Variants in ATP13A4 observed in about 807,000 individuals in gnomAD.
ATP13A4 encodes ATPase 13A4.
In ATP13A4, 114 loss-of-function variants were observed where a neutral mutation model predicts 142.5. The observed-to-expected ratio is 0.80, with a 90% CI of 0.69 to 0.93. The LOEUF is 0.93. Among genes scored for constraint, ATP13A4 ranks in the 40% least tolerant of loss-of-function variants. The probability of loss-of-function intolerance (pLI) is 0.00; values close to 1 mark genes in which losing one functional copy is unlikely to be tolerated. For synonymous variants in ATP13A4, 488 were observed against 514.8 expected, an observed-to-expected ratio of 0.95 and a Z score of 0.70; for missense variants, 1,392 against 1,454.0, an observed-to-expected ratio of 0.96 and a Z score of 0.69.
At chr3:193,561,558 A>G (rs546770113) in intron 2 of ATP13A4, among the ~76,000 whole-genome samples, 8 of 152,326 alleles carry the variant, frequency 5.3e-5, no homozygotes, top group African/African-American at 1.9e-4. Flanking sequence ...TGTACTGTAC[A>G]TGTCGTTCAG....
intron 13 of ATP13A4, among the ~76,000 whole-genome samples, chr3:193,461,336 A>G (rs1254597701): frequency 1.3e-5 from 2 of 152,238 alleles, no homozygotes; most frequent in Admixed American, 1.3e-4. Context: ...AGCACTTAGG[A>G]TGCAAATCTA....
At chr3:193,493,059 T>A in intron 4 of ATP13A4, 31 bp downstream of exon 4, 1 of 1,608,574 alleles carries the variant, frequency 6.2e-7, no homozygotes, top group Non-Finnish European at 8.5e-7. Context: ...AACATTTTTC[T>A]TCTTTGGCTG....
chr3:193,474,749 G>A (rs908998934), intron 8 of ATP13A4, among the ~76,000 whole-genome samples: 6 of 146,516 alleles, frequency 4.1e-5, no homozygotes, highest in Non-Finnish European at 9.0e-5. Flanking sequence ...AGAAAGAAAG[G>A]AAAAAGAAAG....
intron 23 of ATP13A4, among the ~76,000 whole-genome samples, chr3:193,437,825 ATTTTTTTTTT>A (rs372139378): frequency 5.8e-5 from 6 of 102,992 alleles, no homozygotes; most frequent in Admixed American, 5.7e-4. Flanking sequence ...GCCAATAAAG[ATTTTTTTTTT>A]TTTTTTTTTT....
At chr3:193,575,653 A>G (rs947001137) in intron 2 of ATP13A4, among the ~76,000 whole-genome samples, 1 of 152,236 alleles carries the variant, frequency 6.6e-6, no homozygotes, top group Admixed American at 6.5e-5. Flanking sequence ...TTAGATTAGC[A>G]GTCCCTGGTG....
intron 2 of ATP13A4, among the ~76,000 whole-genome samples, chr3:193,560,128 G>A (rs1560283063): frequency 6.6e-6 from 1 of 152,020 alleles, no homozygotes; most frequent in Non-Finnish European, 1.5e-5. Context: ...ACTGTGTAAC[G>A]ATTTGTCCAA....
intron 14 of ATP13A4, 149 bp from the exon 15 acceptor site, chr3:193,457,614 C>A: frequency 1.3e-6 from 1 of 742,438 alleles, no homozygotes; most frequent in Admixed American, 2.1e-5. Context: ...AGATTTATTC[C>A]GCCACAGAAA....
chr3:193,470,832 T>C (rs1439655875), intron 9 of ATP13A4, 27 bp downstream of exon 9: 1 of 1,613,604 alleles, frequency 6.2e-7, no homozygotes, highest in Non-Finnish European at 8.5e-7. Context: ...CCCACAGAGG[T>C]TGTCAGCTGT....
rs967241106 is a variant in ATP13A4, at chr3:193,450,206, T to C, written c.2028-1876A>G. ...CTGTAACTCACATTTTATTTGCCCA[T>C]GTTTTATTCTTGGGCTTCTGCTTTG... On this transcript the variant is annotated intron_variant, in intron 17 of 29. Transcript: ENST00000342695. Among the ~76,000 whole-genome samples the C allele has an allele frequency of 3.9e-5, 6 of 152,206 alleles. No individual in the cohort carries two copies. In the East Asian group the frequency reaches 9.6e-4, roughly 24 times the overall value.
intron 2 of ATP13A4, among the ~76,000 whole-genome samples, chr3:193,560,575 G>A (rs1023009439): frequency 2.0e-5 from 3 of 152,124 alleles, no homozygotes; most frequent in African/African-American, 7.2e-5. Context: ...ATATTTACGA[G>A]GACTTCATTT....
chr3:193,513,149 C>T (rs541458920), intron 2 of ATP13A4, among the ~76,000 whole-genome samples: 2 of 152,228 alleles, frequency 1.3e-5, no homozygotes, highest in Admixed American at 6.5e-5. Flanking sequence ...CTTGAAGGGA[C>T]CAAGATCCAG....
At chr3:193,414,456 A>G in intron 26 of ATP13A4, 123 bp downstream of exon 26, 1 of 1,085,900 alleles carries the variant, frequency 9.2e-7, no homozygotes, top group East Asian at 2.6e-5. Flanking sequence ...AATTTGCCCA[A>G]GGGACTTTAA....
chr3:193,422,800 A>G (rs1560176632), intron 25 of ATP13A4, among the ~76,000 whole-genome samples: 1 of 149,790 alleles, frequency 6.7e-6, no homozygotes, highest in Admixed American at 6.9e-5. Flanking sequence ...CAACAACCTA[A>G]TGTTGAACCT....
chr3:193,528,147 C>A (rs1722114088), intron 1 of ATP13A4, among the ~76,000 whole-genome samples: 2 of 152,162 alleles, frequency 1.3e-5, no homozygotes, highest in African/African-American at 4.8e-5. Context: ...GTGCAGACTA[C>A]CTGCTTAAGA....
intron 2 of ATP13A4, among the ~76,000 whole-genome samples, chr3:193,507,861 C>T (rs1720940437): frequency 1.3e-5 from 2 of 152,070 alleles, no homozygotes; most frequent in Admixed American, 6.6e-5. Flanking sequence ...TCATCAGCCC[C>T]GGTTAACAGA....
chr3:193,414,527 T>C, intron 26 of ATP13A4, 52 bp downstream of exon 26: 2 of 1,597,456 alleles, frequency 1.3e-6, no homozygotes, highest in Non-Finnish European at 1.7e-6. Flanking sequence ...GGCCAGAGGA[T>C]GTTTGATAGA....
chr3:193,546,854 T>C (rs955895342), intron 1 of ATP13A4, among the ~76,000 whole-genome samples: 1 of 152,226 alleles, frequency 6.6e-6, no homozygotes, highest in African/African-American at 2.4e-5. Flanking sequence ...AAAAGAGAGA[T>C]GACAGTTCCT....
At chr3:193,531,293 AGGG>A (rs1722305649) in intron 1 of ATP13A4, among the ~76,000 whole-genome samples, 3 of 74,862 alleles carry the variant, frequency 4.0e-5, no homozygotes, top group Admixed American at 1.6e-4. Context: ...GGAGGGAGGG[AGGG>A]AGGAAGGAAG....
In ATP13A4 at chr3:193,459,076, C is replaced by T. The variant is rs1282304750; in HGVS notation, c.1674+5G>A. ...TCTCAGATTCTCTGAAGAGCAGAGGCTTACCCAGGTGGTGGCTTCAAACAT... is the reference window on the plus strand; with the variant it reads ...TCTCAGATTCTCTGAAGAGCAGAGGTTTACCCAGGTGGTGGCTTCAAACAT... On this transcript the variant is annotated splice_donor_5th_base_variant and intron_variant, in intron 14 of 29. Coordinates refer to ENST00000342695, the MANE Select transcript of ATP13A4 (RefSeq NM_032279.4). 1.9e-6 allele frequency: 3 copies of T among 1,614,120 alleles called. No individual in the cohort carries two copies. The highest frequency in any genetic ancestry group is 2.5e-6 in the Non-Finnish European group (3 of 1,180,042).
Sources: allele counts gnomAD v4.1 joint callset (sites outside exome capture counted in the v4.1 genomes callset), GRCh38; gene constraint gnomAD v4.1.1; transcripts MANE v1.5; gene names NCBI Gene and HGNC (gene_info 2026-07-23, HGNC 2026-07-21).